The following MPPED1 variants were observed in gnomAD, a reference collection of about 807,000 sequenced individuals.
MPPED1 encodes metallophosphoesterase domain containing 1, also known as metallophosphoesterase domain-containing protein 1.
In MPPED1, 16 loss-of-function variants were observed where a neutral mutation model predicts 36.2. That is an observed-to-expected ratio of 0.44 (90% confidence interval 0.30 to 0.67). The LOEUF (loss-of-function observed/expected upper bound fraction) is 0.67, where lower values mean the gene tolerates loss of function less well. Ranked by LOEUF, MPPED1 falls within the 30% of genes least tolerant of loss-of-function variation. The probability of loss-of-function intolerance (pLI) is 0.10; values close to 1 mark genes in which losing one functional copy is unlikely to be tolerated. For synonymous variants in MPPED1, 199 were observed against 191.3 expected, an observed-to-expected ratio of 1.04 and a Z score of -0.33; for missense variants, 307 against 453.4, an observed-to-expected ratio of 0.68 and a Z score of 2.93.
chr22:43,423,083 C>T (rs190051744), intron 1 of MPPED1, among the ~76,000 whole-genome samples: 3 of 152,232 alleles, frequency 2.0e-5, no homozygotes, highest in African/African-American at 4.8e-5. Context: ...GTGATCCGCC[C>T]GTCTCAGCCT....
chr22:43,426,508 T>C (rs888314337), intron 2 of MPPED1, among the ~76,000 whole-genome samples: 1 of 152,188 alleles, frequency 6.6e-6, no homozygotes, highest in Non-Finnish European at 1.5e-5. Context: ...TCTGGGGCTG[T>C]GATCTCCATC....
intron 4 of MPPED1, among the ~76,000 whole-genome samples, chr22:43,492,419 C>T (rs1468182499): frequency 6.6e-6 from 1 of 152,038 alleles, no homozygotes; most frequent in Non-Finnish European, 1.5e-5. Context: ...CTGAGGGAGA[C>T]GGTGCCCACT....
chr22:43,432,705 AGAG>A (rs1929776034), intron 2 of MPPED1, among the ~76,000 whole-genome samples: 1 of 73,106 alleles, frequency 1.4e-5, no homozygotes, highest in Non-Finnish European at 2.6e-5. Context: ...GAGGAGAGAG[AGAG>A]AAGGGGAGGA....
intron 3 of MPPED1, among the ~76,000 whole-genome samples, chr22:43,468,379 C>T (rs1189880734): frequency 6.6e-6 from 1 of 152,216 alleles, no homozygotes; most frequent in Non-Finnish European, 1.5e-5. Flanking sequence ...TAGCAGAGTC[C>T]AACTGGCCTG....
chr22:43,474,651 T>C lies in MPPED1; in HGVS notation c.407-85T>C. 1 of 1,529,056 alleles carries C rather than the reference T, an allele frequency of 6.5e-7. No individual in the cohort carries two copies. The highest frequency in any genetic ancestry group is 1.1e-5 in the South Asian group (1 of 88,266). 94.7% of individuals were successfully genotyped at this position (1,529,056 alleles called of 1,614,324 possible). Reference sequence around the variant, plus strand: ...ACCAGGAGTTCATGCAGCTTCCTCCTGCCCGCCCCTCTCTCAGCCGTGCTG... The same window carrying C: ...ACCAGGAGTTCATGCAGCTTCCTCCCGCCCGCCCCTCTCTCAGCCGTGCTG... On this transcript the variant is annotated intron_variant, in intron 3 of 6. Transcript: ENST00000443721. This position sits in a 1 kb window ranked among gnomAD's most constrained non-coding sequence, Gnocchi z 5.2.
chr22:43,431,783 CTGT>C (rs1569066742), intron 2 of MPPED1, among the ~76,000 whole-genome samples: 2 of 152,198 alleles, frequency 1.3e-5, no homozygotes, highest in African/African-American at 4.8e-5. Context: ...GAAATCATTA[CTGT>C]TGTTATTATT....
intron 1 of MPPED1, among the ~76,000 whole-genome samples, chr22:43,414,623 G>A (rs541106216): frequency 6.6e-6 from 1 of 152,278 alleles, no homozygotes; most frequent in South Asian, 2.1e-4. Flanking sequence ...GTTAGTTAAT[G>A]CCTTTCAAGT....
intron 3 of MPPED1, among the ~76,000 whole-genome samples, chr22:43,455,127 T>TTTTTTTTTTTTTA (rs57688699): frequency 2.7e-5 from 4 of 145,512 alleles, no homozygotes; most frequent in African/African-American, 5.1e-5. Context: ...TTTTTTTTTT[T>TTTTTTTTTTTTTA]GAGACGAAGT....
At chr22:43,489,031 G>A (rs556905561) in intron 4 of MPPED1, among the ~76,000 whole-genome samples, 1 of 152,196 alleles carries the variant, frequency 6.6e-6, no homozygotes, top group East Asian at 1.9e-4. Context: ...TGAGGGGTGG[G>A]CTTGATCAGG....
intron 1 of MPPED1, chr22:43,419,264 A>T (rs1929177791): frequency 1.3e-5 from 2 of 152,194 alleles, no homozygotes; most frequent in African/African-American, 4.8e-5. Context: ...TAAAAAGCCG[A>T]CTGTGTGTTG....
At chr22:43,437,703 C>T (rs1043860096) in intron 3 of MPPED1, among the ~76,000 whole-genome samples, 1 of 152,200 alleles carries the variant, frequency 6.6e-6, no homozygotes, top group Non-Finnish European at 1.5e-5. Flanking sequence ...TCCCCTGCCT[C>T]GCATCCCTCC....
At chr22:43,459,258 T>C (rs1349147323) in intron 3 of MPPED1, among the ~76,000 whole-genome samples, 1 of 152,130 alleles carries the variant, frequency 6.6e-6, no homozygotes, top group African/African-American at 2.4e-5. Context: ...TTTTTGTATT[T>C]TCAGTAGAGA....
intron 2 of MPPED1, among the ~76,000 whole-genome samples, chr22:43,427,936 G>A (rs541250432): frequency 6.6e-6 from 1 of 152,254 alleles, no homozygotes; most frequent in Admixed American, 6.5e-5. Context: ...GGTTCTTCGG[G>A]GGTGAAAAAA....
chr22:43,436,297 G>T (rs1929957525), intron 3 of MPPED1, among the ~76,000 whole-genome samples: 1 of 152,158 alleles, frequency 6.6e-6, no homozygotes, highest in Non-Finnish European at 1.5e-5. Flanking sequence ...TCACCTTCCT[G>T]CGCAGCCCCA....
intron 4 of MPPED1, among the ~76,000 whole-genome samples, chr22:43,495,987 T>TGGTGGAGGTAGTGGTGGTGGA: frequency 1.8e-5 from 2 of 112,358 alleles, no homozygotes; most frequent in African/African-American, 3.3e-5. Flanking sequence ...GTGGTGGAGA[T>TGGTGGAGGTAGTGGTGGTGGA]GGTGGTGGTG....
intron 3 of MPPED1, among the ~76,000 whole-genome samples, chr22:43,466,256 G>T (rs1435724269): frequency 6.6e-6 from 1 of 152,202 alleles, no homozygotes; most frequent in Non-Finnish European, 1.5e-5. Flanking sequence ...ACCCGTGGAG[G>T]CTGGATGAGG....
intron 3 of MPPED1, among the ~76,000 whole-genome samples, chr22:43,441,290 T>C (rs1930139563): frequency 6.6e-6 from 1 of 152,132 alleles, no homozygotes; most frequent in African/African-American, 2.4e-5. Flanking sequence ...GAGGCTGACG[T>C]CTGCAATCAT....
intron 3 of MPPED1, among the ~76,000 whole-genome samples, chr22:43,444,279 G>GTGT (rs1555899567): frequency 1.4e-5 from 2 of 142,018 alleles, no homozygotes; most frequent in East Asian, 2.0e-4. Flanking sequence ...GACCCACTGG[G>GTGT]GTGTGTGTGT....
At chr22:43,455,785 A>C (rs916431815) in intron 3 of MPPED1, among the ~76,000 whole-genome samples, 1 of 152,028 alleles carries the variant, frequency 6.6e-6, no homozygotes, top group Admixed American at 6.6e-5. Flanking sequence ...CCTTTCCTCC[A>C]CCCCAATTGC....
Sources: gnomAD v4.1 joint callset for allele counts (sites outside exome capture counted in the v4.1 genomes callset) on GRCh38, gnomAD v4.1.1 for gene constraint, Gnocchi (gnomAD v3.1) non-coding constraint, MANE v1.5 for transcripts, NCBI Gene and HGNC (gene_info 2026-07-23, HGNC 2026-07-21) for gene names.